The following PAX7 variants were observed in gnomAD, a reference collection of about 807,000 sequenced individuals.
PAX7 encodes the protein paired box 7, also known as paired box protein Pax-7.
A neutral mutation model predicts 50.7 loss-of-function variants in PAX7; 18 were observed. The ratio of observed to expected loss-of-function variants is 0.36; its 90% CI spans 0.25 to 0.53. The LOEUF (loss-of-function observed/expected upper bound fraction) is 0.53. Ranked by LOEUF, PAX7 falls within the 20% of genes least tolerant of loss-of-function variation. PAX7 has a pLI of 0.93. For synonymous variants in PAX7, 310 were observed against 290.4 expected (o/e 1.07, Z -0.69); for missense variants, 644 against 702.9 (o/e 0.92, Z 0.95).
intron 7 of PAX7, among the ~76,000 whole-genome samples, chr1:18,724,792 A>G (rs777444373): frequency 2.0e-5 from 3 of 152,182 alleles, no homozygotes; most frequent in East Asian, 1.9e-4. Context: ...ATTATATTTC[A>G]TATTTCATTG....
In PAX7 at chr1:18,735,935, G is replaced by A. The variant is rs1370919716; in HGVS notation, c.1402+57G>A. On this transcript the variant is annotated intron_variant, in intron 8 of 8. Coordinates refer to ENST00000420770, the MANE Select transcript of PAX7 (RefSeq NM_001135254.2). This position sits in a 1 kb window ranked among gnomAD's most constrained non-coding sequence, Gnocchi z 4.0. ...CCCCATTCCTTCTCCCACCCCCAGG[G>A]CCTCCTGCTTGTTTATGGAGAGCTA... 6.8e-6 allele frequency: 11 copies of A among 1,613,794 alleles called. No homozygotes were observed. The East Asian group carries it at 2.0e-4, about 29-fold the overall frequency.
chr1:18,737,364 G>A (rs1052233734), intron 8 of PAX7, among the ~76,000 whole-genome samples: 2 of 152,142 alleles, frequency 1.3e-5, no homozygotes, highest in African/African-American at 4.8e-5. Context: ...CGTGTCGTTG[G>A]CCTCCACTGC....
At chr1:18,711,210 C>A (rs953162012) in intron 7 of PAX7, among the ~76,000 whole-genome samples, 2 of 152,160 alleles carry the variant, frequency 1.3e-5, no homozygotes, top group African/African-American at 4.8e-5. Context: ...TGCTGTGTGG[C>A]CCTGGCACAG....
At chr1:18,714,898 C>T (rs2089399394) in intron 7 of PAX7, among the ~76,000 whole-genome samples, 1 of 152,188 alleles carries the variant, frequency 6.6e-6, no homozygotes, top group Non-Finnish European at 1.5e-5. Context: ...AGCACAGGGA[C>T]TGGGGACGAG....
At chr1:18,665,203 G>A (rs937881646) in intron 4 of PAX7, among the ~76,000 whole-genome samples, 4 of 151,924 alleles carry the variant, frequency 2.6e-5, no homozygotes, top group Middle Eastern at 6.8e-3. Flanking sequence ...CTAGTGAGAG[G>A]GGTGGAGGAT....
In PAX7 at chr1:18,671,080, C is replaced by T. The variant is rs151144556; in HGVS notation, c.587-20674C>T. On this transcript the variant is annotated intron_variant, in intron 4 of 8. Transcript: ENST00000420770. ...CCTCCTCGCTAAACTTTTGAAAGACCCCTCACTGTTCCCTAGCTCAGTGGG... is the reference window on the plus strand; with the variant it reads ...CCTCCTCGCTAAACTTTTGAAAGACTCCTCACTGTTCCCTAGCTCAGTGGG... 3.0e-3 allele frequency among the ~76,000 whole-genome samples: 452 copies of T among 152,252 alleles called. 1 individual carries two copies. The highest frequency in any genetic ancestry group is 0.01 in the African/African-American group (425 of 41,546).
At chr1:18,666,151 T>C (rs1049434670) in intron 4 of PAX7, among the ~76,000 whole-genome samples, 1 of 152,204 alleles carries the variant, frequency 6.6e-6, no homozygotes, top group Non-Finnish European at 1.5e-5. Flanking sequence ...AAAATAAGAC[T>C]GCATCTCAAT....
At chr1:18,725,254 C>A (rs2089544305) in intron 7 of PAX7, among the ~76,000 whole-genome samples, 1 of 151,706 alleles carries the variant, frequency 6.6e-6, no homozygotes, top group African/African-American at 2.4e-5. Flanking sequence ...TCAGTCCCTG[C>A]CAGAGCCAAT....
chr1:18,736,939 C>T (rs1031077745), intron 8 of PAX7, among the ~76,000 whole-genome samples: 1 of 152,272 alleles, frequency 6.6e-6, no homozygotes, highest in Admixed American at 6.5e-5. Context: ...GACCCTGCCC[C>T]TTCTGCCGCA....
At chr1:18,673,018 C>A (rs2100242867) in intron 4 of PAX7, among the ~76,000 whole-genome samples, 1 of 152,250 alleles carries the variant, frequency 6.6e-6, no homozygotes, top group East Asian at 1.9e-4. Context: ...CTGGCACATG[C>A]AGAGCTGCAA....
Position 18,700,726 on chromosome 1 carries a change from T to C in PAX7, c.860T>C (p.Leu287Pro), listed in dbSNP as rs143423261. 6.2e-6 allele frequency: 10 copies of C among 1,601,034 alleles called. No homozygotes were observed. The highest frequency in any genetic ancestry group is 8.5e-6 in the Non-Finnish European group (10 of 1,174,720). Residue 287 changes from leucine to proline, a missense_variant, in exon 6 of 9, where the codon CTT becomes CCT. By Grantham distance (98) the Leu-to-Pro change is moderately conservative. Transcript: ENST00000420770. The surrounding 1 kb of genome is among the most constrained non-coding windows in gnomAD (Gnocchi z 4.8). Reference sequence around the variant, plus strand: ...AACCAGCTGGCGGCGTTCAACCACCTTCTGCCAGGAGGCTTCCCACCCACC... The same window carrying C: ...AACCAGCTGGCGGCGTTCAACCACCCTCTGCCAGGAGGCTTCCCACCCACC... ...GANQLAAFNH[L>P]LPGGFPPTGM...
chr1:18,715,984 C>G (rs976276077), intron 7 of PAX7, among the ~76,000 whole-genome samples: 10 of 152,120 alleles, frequency 6.6e-5, no homozygotes, highest in South Asian at 2.1e-4. Context: ...CTGTTCCCCC[C>G]GCTCCTTCTT....
At chr1:18,652,113 C>T (rs955156714) in intron 4 of PAX7, among the ~76,000 whole-genome samples, 4 of 147,210 alleles carry the variant, frequency 2.7e-5, no homozygotes, top group Admixed American at 2.0e-4. Flanking sequence ...AAGGCTGGGC[C>T]GGCTGGGCCC....
At chr1:18,740,397 C>G (rs1048411081) in intron 8 of PAX7, among the ~76,000 whole-genome samples, 2 of 152,146 alleles carry the variant, frequency 1.3e-5, no homozygotes, top group African/African-American at 4.8e-5. Flanking sequence ...GCAGAGTGGC[C>G]AGAGGCACAA....
intron 7 of PAX7, among the ~76,000 whole-genome samples, chr1:18,715,937 C>G (rs983537327): frequency 6.6e-6 from 1 of 152,154 alleles, no homozygotes; most frequent in Admixed American, 6.5e-5. Flanking sequence ...CTCTTCCACA[C>G]TCATTTCCCA....
chr1:18,682,199 C>T (rs897294476), intron 4 of PAX7, among the ~76,000 whole-genome samples: 2 of 152,144 alleles, frequency 1.3e-5, no homozygotes, highest in African/African-American at 4.8e-5. Context: ...TGAAATTGAA[C>T]CTGTGGGGGT....
chr1:18,726,597 G>C lies in PAX7; in HGVS notation c.1156-9035G>C, dbSNP rs1268872922. On this transcript the variant is annotated intron_variant, in intron 7 of 8. Transcript: ENST00000420770. This position sits in a 1 kb window ranked among gnomAD's most constrained non-coding sequence, Gnocchi z 4.8. ...CAGGGTGAGGCTCAGTCTGTTCCCA[G>C]GCAGAGGGTTGGGCCTTAGTGGGAC... is the stretch of plus-strand genomic sequence containing the variant. Among the ~76,000 whole-genome samples, 2 of 152,128 alleles carry C rather than the reference G, an allele frequency of 1.3e-5. No individual in the cohort carries two copies. Among genetic ancestry groups the C allele is most frequent in the Non-Finnish European group, 2.9e-5 (2 of 68,036 alleles).
Position 18,635,252 on chromosome 1 carries a change from G to A in PAX7, c.451+12G>A, listed in dbSNP as rs137899505. ...CACTGTGCCCTCAGGTGAGAAGGCA[G>A]CTGAGCCGGCAGAGCTGGCCCAGAG... On this transcript the variant is annotated intron_variant, in intron 3 of 8. Coordinates refer to ENST00000420770, the MANE Select transcript of PAX7 (RefSeq NM_001135254.2). 3.1e-6 allele frequency: 5 copies of A among 1,612,964 alleles called. No homozygotes were observed. Among genetic ancestry groups the A allele is most frequent in the Non-Finnish European group, 4.2e-6 (5 of 1,179,434 alleles).
chr1:18,700,545 C>G lies in PAX7; in HGVS notation c.787-108C>G. 1.9e-6 allele frequency: 2 copies of G among 1,030,648 alleles called. No individual in the cohort carries two copies. Among genetic ancestry groups the G allele is most frequent in the Non-Finnish European group, 2.7e-6 (2 of 733,678 alleles). The allele number at this position is 1,030,648 out of a possible 1,614,324, so 63.8% of individuals were successfully genotyped here. A position where few individuals can be genotyped will look rare whatever the true frequency, so the allele number is the denominator to read the frequency against. ...CAATGCCGGGGCCTGCAGGAGGATG[C>G]TGGCTGGATCAGAGGGTGATGGCTT... On this transcript the variant is annotated intron_variant, in intron 5 of 8. Coordinates refer to ENST00000420770, the MANE Select transcript of PAX7 (RefSeq NM_001135254.2). This position sits in a 1 kb window ranked among gnomAD's most constrained non-coding sequence, Gnocchi z 4.8.
Sources: allele counts gnomAD v4.1 joint callset (sites outside exome capture counted in the v4.1 genomes callset), GRCh38; gene constraint gnomAD v4.1.1; non-coding constraint Gnocchi (gnomAD v3.1); transcripts MANE v1.5; gene names NCBI Gene and HGNC (gene_info 2026-07-23, HGNC 2026-07-21).